Variants in ZNF254 observed in about 807,000 individuals in gnomAD.
ZNF254 encodes zinc finger protein 254, also known as CTD-2017D11.1.
In ZNF254, 10 loss-of-function variants were observed where a neutral mutation model predicts 12.4. The observed-to-expected ratio is 0.80, with a 90% CI of 0.50 to 1.36. ZNF254 has a LOEUF of 1.36. ZNF254 is among the 40% of genes most tolerant of loss of function. ZNF254 has a pLI of 0.00. For synonymous variants in ZNF254, 305 were observed against 253.4 expected (o/e 1.20, Z -1.93); for missense variants, 996 against 763.9 (o/e 1.30, Z -3.58).
intron 2 of ZNF254, among the ~76,000 whole-genome samples, chr19:24,057,796 T>C (rs1970917098): frequency 6.6e-6 from 1 of 152,222 alleles, no homozygotes; most frequent in Admixed American, 6.5e-5. Context: ...GGATTGTGTC[T>C]CTCATTCAAT....
chr19:24,043,967 G>A (rs1216925283), intron 1 of ZNF254, among the ~76,000 whole-genome samples: 2 of 152,176 alleles, frequency 1.3e-5, no homozygotes, highest in Admixed American at 1.3e-4. Context: ...TCAGCTGGGC[G>A]TGGTGGCTCA....
intron 2 of ZNF254, among the ~76,000 whole-genome samples, chr19:24,047,936 C>T (rs1970461691): frequency 6.6e-6 from 1 of 150,498 alleles, no homozygotes; most frequent in Non-Finnish European, 1.5e-5. Flanking sequence ...ATCTGCCCAC[C>T]TTAGCCTCCC....
chr19:24,047,186 AT>A (rs200730007), intron 2 of ZNF254, among the ~76,000 whole-genome samples: 1 of 147,772 alleles, frequency 6.8e-6, no homozygotes, highest in African/African-American at 2.5e-5. Context: ...CTATTTTCCT[AT>A]TTTTTTCTCC....
At chr19:24,116,575 G>T (rs965278882) in intron 3 of ZNF254, among the ~76,000 whole-genome samples, 1 of 151,684 alleles carries the variant, frequency 6.6e-6, no homozygotes, top group South Asian at 2.1e-4. Flanking sequence ...CTCTATATTG[G>T]TTATTCTAGG....
intron 2 of ZNF254, among the ~76,000 whole-genome samples, chr19:24,052,390 AC>A (rs1262766903): frequency 2.0e-5 from 3 of 152,058 alleles, no homozygotes; most frequent in Middle Eastern, 3.2e-3. Context: ...TGAGTTCAAC[AC>A]CCATGAAATC....
chr19:24,034,721 C>T (rs932272514), intron 1 of ZNF254, among the ~76,000 whole-genome samples: 8 of 151,874 alleles, frequency 5.3e-5, no homozygotes, highest in African/African-American at 1.9e-4. Flanking sequence ...AGGTAATCCA[C>T]CCACCTCGGC....
chr19:24,073,363 T>C (rs2145511412), intron 2 of ZNF254, among the ~76,000 whole-genome samples: 1 of 152,340 alleles, frequency 6.6e-6, no homozygotes, highest in Non-Finnish European at 1.5e-5. Context: ...CCCAGCCATT[T>C]GGAGAGATGT....
intron 2 of ZNF254, among the ~76,000 whole-genome samples, chr19:24,061,433 G>A (rs1599619481): frequency 6.6e-6 from 1 of 152,198 alleles, no homozygotes; most frequent in African/African-American, 2.4e-5. Context: ...CATAAAAGAT[G>A]TGATGCCTTT....
chr19:24,115,013 A>T (rs1201341843), intron 3 of ZNF254, among the ~76,000 whole-genome samples: 1 of 152,296 alleles, frequency 6.6e-6, no homozygotes, highest in Non-Finnish European at 1.5e-5. Flanking sequence ...ATCATTAAAA[A>T]GTCAGGAAAC....
In ZNF254 at chr19:24,123,297, AG is replaced by A. The variant is rs946138597; in HGVS notation, c.254-2956del. On this transcript the variant is annotated intron_variant, in intron 3 of 3. Transcript: ENST00000357002. ...AGTTCATAGAAGTTTACTTTTAAAA[AG>A]TTTGGTAAGACTTCCTTTTTGGCTT... is the stretch of plus-strand genomic sequence containing the variant. 3.0e-4 allele frequency among the ~76,000 whole-genome samples: 45 copies of A among 152,186 alleles called. 1 individual carries two copies. The highest frequency in any genetic ancestry group is 1.0e-4 in the Non-Finnish European group (7 of 68,034).
Position 24,129,846 on chromosome 19 carries a change from A to G in ZNF254, c.*1866A>G, listed in dbSNP as rs1032719794. On this transcript the variant is annotated 3_prime_UTR_variant, in exon 4 of 4. Coordinates refer to ENST00000357002, the MANE Select transcript of ZNF254 (RefSeq NM_203282.4). ...GAGTTCTGAATAAATATTTTTAAAA[A>G]TTTTAATATATTTTTCTTTGAATAT... 6.6e-6 allele frequency: 1 copy of G among 151,988 alleles called. No homozygotes were observed. The highest frequency in any genetic ancestry group is 1.5e-5 in the Non-Finnish European group (1 of 67,946). 9.4% of individuals were successfully genotyped at this position (151,988 alleles called of 1,614,324 possible). A position where few individuals can be genotyped will look rare whatever the true frequency, so the allele number is the denominator to read the frequency against.
chr19:24,097,712 C>G (rs1050949863), intron 1 of ZNF254, among the ~76,000 whole-genome samples: 1 of 151,574 alleles, frequency 6.6e-6, no homozygotes, highest in East Asian at 1.9e-4. Flanking sequence ...ACCTGGGAGG[C>G]GGAGGTTGTG....
chr19:24,129,689 ATTC>A lies in ZNF254; in HGVS notation c.*1712_*1714del, dbSNP rs576157543. On this transcript the variant is annotated 3_prime_UTR_variant, in exon 4 of 4. Transcript: ENST00000357002. ...GAGATATCCATTACCTCTAGCATTT[ATTC>A]TTTTTATTACAAGCAATTCAATTGT... 145 of 152,094 alleles carry A rather than the reference ATTC, an allele frequency of 9.5e-4. 1 individual carries two copies. The highest frequency in any genetic ancestry group is 3.3e-3 in the African/African-American group (137 of 41,538). The allele number at this position is 152,094 out of a possible 1,614,324, so 9.4% of individuals were successfully genotyped here.
At chr19:24,069,777 C>T (rs1368152869) in intron 2 of ZNF254, among the ~76,000 whole-genome samples, 2 of 151,606 alleles carry the variant, frequency 1.3e-5, no homozygotes, top group East Asian at 2.0e-4. Context: ...ATGGTAAAAC[C>T]CCATCTCTAC....
chr19:24,086,708 C>T (rs1219476936), upstream of ZNF254, among the ~76,000 whole-genome samples: 1 of 151,952 alleles, frequency 6.6e-6, no homozygotes, highest in East Asian at 1.9e-4. Flanking sequence ...AACACATGAC[C>T]TAATGTGATC....
intron 1 of ZNF254, among the ~76,000 whole-genome samples, chr19:24,089,195 C>T (rs1297407073): frequency 6.6e-6 from 1 of 152,088 alleles, no homozygotes; most frequent in Non-Finnish European, 1.5e-5. Flanking sequence ...AGGCTGGTCT[C>T]AAACTCCCGA....
At chr19:24,067,164 C>T (rs1753490496) in intron 2 of ZNF254, among the ~76,000 whole-genome samples, 1 of 152,036 alleles carries the variant, frequency 6.6e-6, no homozygotes, top group Non-Finnish European at 1.5e-5. Context: ...CTGGGCCCTA[C>T]ACCTAGATGA....
chr19:24,048,003 C>CTTCTTT (rs1970467576), intron 2 of ZNF254, among the ~76,000 whole-genome samples: 2 of 68,810 alleles, frequency 2.9e-5, no homozygotes, highest in African/African-American at 6.1e-5. Flanking sequence ...TTCTTTTCTT[C>CTTCTTT]TTTTTTTTTT....
intron 1 of ZNF254, among the ~76,000 whole-genome samples, chr19:24,033,779 C>T (rs963790478): frequency 9.8e-5 from 15 of 152,312 alleles, no homozygotes; most frequent in African/African-American, 2.9e-4. Context: ...GGGCCCGCAG[C>T]CGGGATCCCC....
Sources: allele counts gnomAD v4.1 joint callset (sites outside exome capture counted in the v4.1 genomes callset), GRCh38; gene constraint gnomAD v4.1.1; transcripts MANE v1.5; gene names NCBI Gene and HGNC (gene_info 2026-07-23, HGNC 2026-07-21).